NTNG1: variants seen among roughly 807,000 people sequenced by gnomAD.
The protein encoded by NTNG1 is netrin G1, also known as netrin-G1.
NTNG1 carries 16 observed loss-of-function variants against 54.0 expected under a neutral mutation model. That is an observed-to-expected ratio of 0.30 (90% CI 0.20 to 0.45). NTNG1 has a LOEUF of 0.45. NTNG1 is among the 20% of genes least tolerant of loss of function. NTNG1 has a pLI of 1.00. For missense variants in NTNG1, 530 were observed against 678.7 expected, an observed-to-expected ratio of 0.78 and a Z score of 2.43; for synonymous variants, 255 against 263.1, an observed-to-expected ratio of 0.97 and a Z score of 0.30.
intron 4 of NTNG1, among the ~76,000 whole-genome samples, chr1:107,401,610 C>G (rs6693425): frequency 0.016 from 2,431 of 151,850 alleles, 73 homozygotes; most frequent in African/African-American, 0.055. Context: ...AGTTTCAGTA[C>G]AGTTTTGCCA....
intron 3 of NTNG1, among the ~76,000 whole-genome samples, chr1:107,332,400 A>T (rs185689435): frequency 3.9e-4 from 60 of 152,246 alleles, no homozygotes; most frequent in African/African-American, 1.3e-3. Flanking sequence ...ATGGATAAAT[A>T]AAATAATTTC....
intron 7 of NTNG1, among the ~76,000 whole-genome samples, chr1:107,468,206 G>A (rs1186269718): frequency 6.6e-6 from 1 of 151,986 alleles, no homozygotes; most frequent in East Asian, 1.9e-4. Flanking sequence ...ATCCTAAGAG[G>A]GCTTAGACCA....
At chr1:107,405,652 T>C (rs1474652601) in intron 4 of NTNG1, among the ~76,000 whole-genome samples, 1 of 152,174 alleles carries the variant, frequency 6.6e-6, no homozygotes, top group Admixed American at 6.6e-5. Flanking sequence ...GATCTCTGCC[T>C]TGCATAATGC....
In NTNG1 at chr1:107,213,904, G is replaced by A. The variant is rs113427164; in HGVS notation, c.246+65065G>A. Among the ~76,000 whole-genome samples, 1,221 of 152,006 alleles carry A rather than the reference G, an allele frequency of 8.0e-3. 4 individuals are homozygous for A. Among genetic ancestry groups the A allele is most frequent in the African/African-American group, 0.01 (432 of 41,476 alleles). On this transcript the variant is annotated intron_variant, in intron 2 of 7. Coordinates refer to ENST00000370068, the MANE Select transcript of NTNG1 (RefSeq NM_001113226.3). The stretch of plus-strand genomic sequence containing the variant: ...TTAATATATATTTGTGCCTTTTGCC[G>A]TTATATTTTATTGCTTTTTGCATTT...
chr1:107,394,780 G>A (rs778085095), intron 3 of NTNG1, among the ~76,000 whole-genome samples: 1 of 152,168 alleles, frequency 6.6e-6, no homozygotes, highest in African/African-American at 2.4e-5. Flanking sequence ...ACGAAGCCCA[G>A]ATGAAATTGT....
chr1:107,187,445 A>G (rs1657547867), intron 2 of NTNG1, among the ~76,000 whole-genome samples: 1 of 152,192 alleles, frequency 6.6e-6, no homozygotes, highest in South Asian at 2.1e-4. Context: ...CAATTGGCTT[A>G]CAAGATCTCT....
chr1:107,168,293 A>G (rs768080600), intron 2 of NTNG1, among the ~76,000 whole-genome samples: 6 of 152,082 alleles, frequency 3.9e-5, no homozygotes, highest in Non-Finnish European at 7.4e-5. Context: ...GACCTTAGCA[A>G]CTAGATTGTA....
At chr1:107,182,054 A>T (rs2101136708) in intron 2 of NTNG1, among the ~76,000 whole-genome samples, 1 of 152,252 alleles carries the variant, frequency 6.6e-6, no homozygotes, top group African/African-American at 2.4e-5. Context: ...GAAAACCCAG[A>T]AAACTCTAAA....
At chr1:107,193,696 A>G (rs916204758) in intron 2 of NTNG1, among the ~76,000 whole-genome samples, 1 of 151,910 alleles carries the variant, frequency 6.6e-6, no homozygotes, top group Non-Finnish European at 1.5e-5. Context: ...TATATTTTTA[A>G]TGCCACCGTC....
intron 4 of NTNG1, among the ~76,000 whole-genome samples, chr1:107,396,660 C>T (rs1672703599): frequency 6.6e-6 from 1 of 152,154 alleles, no homozygotes; most frequent in Non-Finnish European, 1.5e-5. Flanking sequence ...TTATTTATTG[C>T]AATACCCTGT....
At chr1:107,322,908 G>C (rs1037858456) in intron 2 of NTNG1, among the ~76,000 whole-genome samples, 2 of 152,022 alleles carry the variant, frequency 1.3e-5, no homozygotes, top group Non-Finnish European at 2.9e-5. Context: ...ACATTAATGG[G>C]AAAGAGAGAG....
Position 107,370,450 on chromosome 1 carries a change from C to T in NTNG1, c.888-24704C>T, listed in dbSNP as rs191233278. On this transcript the variant is annotated intron_variant, in intron 3 of 7. Coordinates refer to ENST00000370068, the MANE Select transcript of NTNG1 (RefSeq NM_001113226.3). ...GTGATTTGTGAGATTTTGGTGCACC[C>T]CTCACCCAAGCAGTATATATACACT... 2.0e-5 allele frequency among the ~76,000 whole-genome samples: 3 copies of T among 151,396 alleles called. No homozygotes were observed. In the East Asian group the frequency reaches 5.8e-4, roughly 29 times the overall value.
At chr1:107,274,115 A>G (rs946893795) in intron 2 of NTNG1, among the ~76,000 whole-genome samples, 1 of 152,210 alleles carries the variant, frequency 6.6e-6, no homozygotes, top group African/African-American at 2.4e-5. Context: ...TATTATTATT[A>G]TTCACTATTT....
At chr1:107,298,324 C>G (rs1666104706) in intron 2 of NTNG1, among the ~76,000 whole-genome samples, 1 of 152,006 alleles carries the variant, frequency 6.6e-6, no homozygotes, top group Non-Finnish European at 1.5e-5. Flanking sequence ...CACTTTACTT[C>G]GACAGGAGTA....
intron 2 of NTNG1, among the ~76,000 whole-genome samples, chr1:107,153,787 G>A (rs1185361220): frequency 6.6e-6 from 1 of 152,082 alleles, no homozygotes; most frequent in African/African-American, 2.4e-5. Flanking sequence ...GCATCTCCAG[G>A]GGACTATGGC....
At chr1:107,280,486 G>A (rs912051022) in intron 2 of NTNG1, among the ~76,000 whole-genome samples, 8 of 151,478 alleles carry the variant, frequency 5.3e-5, no homozygotes, top group Non-Finnish European at 1.0e-4. Flanking sequence ...TTCAAGATCA[G>A]TTTTCTTTTT....
intron 2 of NTNG1, among the ~76,000 whole-genome samples, chr1:107,232,077 T>C (rs943665983): frequency 6.6e-6 from 1 of 152,192 alleles, no homozygotes; most frequent in African/African-American, 2.4e-5. Context: ...AAGGTTAGCC[T>C]CATTTGGTCC....
chr1:107,298,193 T>TGAGTTTA (rs1666097435), intron 2 of NTNG1, among the ~76,000 whole-genome samples: 1 of 152,168 alleles, frequency 6.6e-6, no homozygotes, highest in African/African-American at 2.4e-5. Flanking sequence ...CCAAAATATT[T>TGAGTTTA]GAGTTTATTA....
chr1:107,369,205 T>G (rs1670774392), intron 3 of NTNG1, among the ~76,000 whole-genome samples: 1 of 152,216 alleles, frequency 6.6e-6, no homozygotes, highest in African/African-American at 2.4e-5. Flanking sequence ...GTAATGCTGT[T>G]ATGAACATTC....
Sources: allele counts gnomAD v4.1 joint callset (sites outside exome capture counted in the v4.1 genomes callset), GRCh38; gene constraint gnomAD v4.1.1; transcripts MANE v1.5; gene names NCBI Gene and HGNC (gene_info 2026-07-23, HGNC 2026-07-21).